The following HMCN2 variants were observed in gnomAD, a reference collection of about 807,000 sequenced individuals.
The protein encoded by HMCN2 is hemicentin 2.
A neutral mutation model predicts 377.5 loss-of-function variants in HMCN2; 325 were observed. The observed-to-expected ratio is 0.86, with a 90% CI of 0.79 to 0.94. The LOEUF is 0.94. Ranked by LOEUF, HMCN2 falls within the 40% of genes least tolerant of loss-of-function variation. The pLI is 0.00. For synonymous variants in HMCN2, 2,007 were observed against 2,046.8 expected (o/e 0.98, Z 0.53); for missense variants, 4,543 against 4,725.3 (o/e 0.96, Z 1.13).
At chr9:130,271,214 C>T (rs1343774513) in intron 1 of HMCN2, among the ~76,000 whole-genome samples, 4 of 148,900 alleles carry the variant, frequency 2.7e-5, no homozygotes, top group African/African-American at 9.7e-5. Flanking sequence ...TTTCAGATTT[C>T]TCCACTATAG....
In HMCN2 at chr9:130,384,733, T is replaced by C. The variant is rs145532214; in HGVS notation, c.9041T>C (p.Met3014Thr). The change falls in exon 59 of 98, where the codon ATG (methionine) becomes ACG (threonine). Residue 3014 changes from methionine (M) to threonine (T), a missense_variant. By Grantham distance (81) the Met-to-Thr change is moderately conservative. Around this residue, in one of 5 missense-constraint regions of HMCN2, gnomAD observed 736 missense variants for 773.2 expected, o/e 0.95. Transcript: ENST00000683500. ...LGRARLSDSG[M>T]YTCEALNAAG... Reference sequence around the variant, plus strand: ...AGAGCACGGCTGTCGGACTCCGGGATGTACACATGCGAAGCCCTCAATGCT... The same window carrying C: ...AGAGCACGGCTGTCGGACTCCGGGACGTACACATGCGAAGCCCTCAATGCT... 3.8e-6 allele frequency: 5 copies of C among 1,302,910 alleles called. No homozygotes were observed. Among genetic ancestry groups the C allele is most frequent in the Middle Eastern group, 2.1e-4 (1 of 4,698 alleles). The allele number at this position is 1,302,910 out of a possible 1,614,324, so 80.7% of individuals were successfully genotyped here. A position where few individuals can be genotyped will look rare whatever the true frequency, so the allele number is the denominator to read the frequency against.
intron 37 of HMCN2, among the ~76,000 whole-genome samples, chr9:130,359,731 C>T (rs987170012): frequency 1.3e-5 from 2 of 152,020 alleles, no homozygotes; most frequent in African/African-American, 4.8e-5. Context: ...CCCCTCTAGA[C>T]CAGAAGTGGA....
At chr9:130,389,092 C>T (rs1383977560) in intron 62 of HMCN2, among the ~76,000 whole-genome samples, 1 of 152,164 alleles carries the variant, frequency 6.6e-6, no homozygotes, top group Non-Finnish European at 1.5e-5. Flanking sequence ...AGGTACAGCT[C>T]GGAGCTGGTC....
At chr9:130,427,684 G>T in intron 92 of HMCN2, 65 bp downstream of exon 92, 1 of 1,493,262 alleles carries the variant, frequency 6.7e-7, no homozygotes, top group South Asian at 1.3e-5. Flanking sequence ...TGTGCAGAAG[G>T]GTCCCCAGGG....
chr9:130,385,997 T>A (rs1434123003), intron 60 of HMCN2, among the ~76,000 whole-genome samples: 1 of 152,116 alleles, frequency 6.6e-6, no homozygotes, highest in African/African-American at 2.4e-5. Flanking sequence ...CCTTCCTGCC[T>A]CGGTTTCCTC....
Position 130,394,727 on chromosome 9 carries a change from G to A in HMCN2, c.10692+152G>A, listed in dbSNP as rs1310948477. ...GGTGTGGAGGTGACCCACCTTGGCCGTGCCCTTGGGAGCTGCCAGCAGGGT... is the reference window on the plus strand; with the variant it reads ...GGTGTGGAGGTGACCCACCTTGGCCATGCCCTTGGGAGCTGCCAGCAGGGT... On this transcript the variant is annotated intron_variant, in intron 69 of 97. Transcript: ENST00000683500. This position sits in a 1 kb window ranked among gnomAD's most constrained non-coding sequence, Gnocchi z 5.1. Among the ~76,000 whole-genome samples the A allele has an allele frequency of 2.0e-5, 3 of 152,206 alleles. No homozygotes were observed. Among genetic ancestry groups the A allele is most frequent in the Admixed American group, 6.5e-5 (1 of 15,286 alleles).
In HMCN2 at chr9:130,357,812, TC is replaced by T. The variant is rs972558604; in HGVS notation, c.5426-20del. The T allele has an allele frequency of 1.2e-4, 157 of 1,297,862 alleles. 1 individual carries two copies. The highest frequency in any genetic ancestry group is 1.5e-4 in the Non-Finnish European group (152 of 985,210). The allele number at this position is 1,297,862 out of a possible 1,614,324, so 80.4% of individuals were successfully genotyped here. ...TCCTCCTGATTCTGACTCGGGCTCT[TC>T]CTGACTCTTTCCCTTCCCAGAGTTC... On this transcript the variant is annotated intron_variant, in intron 34 of 97. Coordinates refer to ENST00000683500, the MANE Select transcript of HMCN2 (RefSeq NM_001291815.2).
intron 78 of HMCN2, 98 bp downstream of exon 78, chr9:130,402,994 GTC>G: frequency 1.9e-6 from 2 of 1,048,358 alleles, no homozygotes; most frequent in South Asian, 2.8e-5. Flanking sequence ...GAGGCCCCGG[GTC>G]TCAGAGGCCC....
chr9:130,366,244 G>A (rs1366853382), intron 43 of HMCN2, among the ~76,000 whole-genome samples: 1 of 152,140 alleles, frequency 6.6e-6, no homozygotes, highest in Non-Finnish European at 1.5e-5. Context: ...CCTCACTTCA[G>A]ACGTCCCTTC....
At chr9:130,407,250 A>AAG (rs1206908094) in intron 82 of HMCN2, 1 of 182,918 alleles carries the variant, frequency 5.5e-6, no homozygotes, top group Non-Finnish European at 1.2e-5. Context: ...AACTGTCTCA[A>AAG]AGAAAAAAAA....
At position 130,353,161 on chromosome 9, in the gene HMCN2, A is replaced by G. The variant is rs1204667283; in HGVS notation, c.4820A>G (p.Asn1607Ser). Residue 1607 changes from asparagine (N) to serine (S), a missense_variant, in exon 31 of 98, where the codon AAT (asparagine) becomes AGT (serine). This residue lies in a region of HMCN2 where 1,032 missense variants were observed against 1,285.1 expected (regional missense o/e 0.80). Coordinates refer to ENST00000683500, the MANE Select transcript of HMCN2 (RefSeq NM_001291815.2). ...GGCGTCTACACCTGCAAGGCCAGCA[A>G]TGCTGTGGGGGCCGCAGAGAAGGCC... ...DAGVYTCKASNAVGAAEKATR... is the reference protein window; with the variant it reads ...DAGVYTCKASSAVGAAEKATR... 3.1e-6 allele frequency: 4 copies of G among 1,304,116 alleles called. No homozygotes were observed. The highest frequency in any genetic ancestry group is 1.2e-5 in the South Asian group (1 of 81,026). 80.8% of individuals were successfully genotyped at this position (1,304,116 alleles called of 1,614,324 possible).
intron 31 of HMCN2, 144 bp from the exon 32 acceptor site, chr9:130,354,619 G>A: frequency 1.5e-6 from 1 of 683,954 alleles, no homozygotes; most frequent in Non-Finnish European, 2.1e-6. Context: ...GTCTGAGCAA[G>A]GGGTTCAGCC....
At chr9:130,389,439 T>C (rs902938551) in intron 62 of HMCN2, among the ~76,000 whole-genome samples, 4 of 152,140 alleles carry the variant, frequency 2.6e-5, no homozygotes, top group Non-Finnish European at 4.4e-5. Flanking sequence ...CAAATCTGCT[T>C]TCTGTCTCTG....
At position 130,393,947 on chromosome 9, in the gene HMCN2, C is replaced by A. The variant is rs1347083399; in HGVS notation, c.10440C>A (p.Tyr3480Ter). The A allele has an allele frequency of 7.8e-7, 1 of 1,288,092 alleles. No individual in the cohort carries two copies. Among genetic ancestry groups the A allele is most frequent in the Non-Finnish European group, 1.0e-6 (1 of 988,462 alleles). 79.8% of individuals were successfully genotyped at this position (1,288,092 alleles called of 1,614,324 possible). ...EAVGAGDSGT[Y>*]SCVAVSEAGE... ...TGGGAGCTGGTGACTCGGGGACCTA[C>A]TCCTGTGTGGCCGTGAGCGAGGCGG... The change falls in exon 68 of 98, where the codon TAC becomes TAA. Residue 3480 changes from tyrosine (Y) to a stop codon, truncating the protein, a stop_gained. Transcript: ENST00000683500. LOFTEE classifies it high-confidence loss of function. This position sits in a 1 kb window ranked among gnomAD's most constrained non-coding sequence, Gnocchi z 5.2.
rs1035083661 is a variant in HMCN2 at position 130,425,538 on chromosome 9, C to T, written c.13642-149C>T. ...TTCCCAAGGCTCACCCCATCTTCTC[C>T]CAAGCCTCCTCAAGCCCCTGAGTTG... On this transcript the variant is annotated intron_variant, in intron 89 of 97. Coordinates refer to ENST00000683500, the MANE Select transcript of HMCN2 (RefSeq NM_001291815.2). 5.0e-5 allele frequency: 33 copies of T among 658,576 alleles called. No individual in the cohort carries two copies. The African/African-American group carries it at 5.1e-4, about 10-fold the overall frequency. 40.8% of individuals were successfully genotyped at this position (658,576 alleles called of 1,614,324 possible). A position where few individuals can be genotyped will look rare whatever the true frequency, so the allele number is the denominator to read the frequency against.
At chr9:130,314,455 T>C (rs1837433282) in intron 15 of HMCN2, among the ~76,000 whole-genome samples, 1 of 152,248 alleles carries the variant, frequency 6.6e-6, no homozygotes, top group African/African-American at 2.4e-5. Flanking sequence ...AGTGCAGTTA[T>C]GAAATATAAT....
chr9:130,359,211 T>C (rs1408919184), intron 36 of HMCN2, 108 bp from the exon 37 acceptor site: 3 of 468,746 alleles, frequency 6.4e-6, no homozygotes, highest in African/African-American at 6.1e-5. Flanking sequence ...GAGCCCTTAG[T>C]CTAGGATTTT....
chr9:130,419,076 G>A (rs1843846027), intron 86 of HMCN2, 35 bp downstream of exon 86: 1 of 1,459,400 alleles, frequency 6.9e-7, no homozygotes. Flanking sequence ...TTCGTGGACA[G>A]AGGCAGGATC....
At chr9:130,421,905 G>A (rs1007171147) in intron 86 of HMCN2, among the ~76,000 whole-genome samples, 1 of 152,224 alleles carries the variant, frequency 6.6e-6, no homozygotes, top group Non-Finnish European at 1.5e-5. Context: ...GCTGCTGAGT[G>A]GAGAGGCAGG....
Sources: allele counts gnomAD v4.1 joint callset (sites outside exome capture counted in the v4.1 genomes callset), GRCh38; gene constraint gnomAD v4.1.1; regional missense constraint gnomAD v4.1.1; non-coding constraint Gnocchi (gnomAD v3.1); transcripts MANE v1.5; gene names NCBI Gene and HGNC (gene_info 2026-07-23, HGNC 2026-07-21).